CHRNA7: variants seen among roughly 807,000 people sequenced by gnomAD.
CHRNA7 encodes the protein neuronal acetylcholine receptor subunit alpha-7.
Under a neutral mutation model 48.0 loss-of-function variants are expected in CHRNA7, and 17 were observed. The ratio of observed to expected loss-of-function variants is 0.35; its 90% CI spans 0.24 to 0.53. The LOEUF (loss-of-function observed/expected upper bound fraction) is 0.53, where lower values mean the gene tolerates loss of function less well. Among genes scored for constraint, CHRNA7 ranks in the 20% least tolerant of loss-of-function variants. CHRNA7 has a pLI of 0.92. For missense variants in CHRNA7, 155 were observed against 577.7 expected, an observed-to-expected ratio of 0.27 and a Z score of 7.50; for synonymous variants, 75 against 242.3, an observed-to-expected ratio of 0.31 and a Z score of 6.41.
intron 3 of CHRNA7, among the ~76,000 whole-genome samples, chr15:32,103,434 A>G (rs1002462815): frequency 2.0e-5 from 3 of 151,734 alleles, no homozygotes; most frequent in Non-Finnish European, 4.4e-5. Context: ...AAAGAAAGAA[A>G]AAGAAAATGG....
intron 2 of CHRNA7, among the ~76,000 whole-genome samples, chr15:32,041,128 G>C (rs1224356523): frequency 6.6e-6 from 1 of 152,134 alleles, no homozygotes; most frequent in Non-Finnish European, 1.5e-5. Context: ...ATACTTAGAT[G>C]TTGGATTTTT....
chr15:32,031,005 T>C lies in CHRNA7; in HGVS notation c.163T>C (p.Phe55Leu). The change falls in exon 2 of 10, where the codon TTC (phenylalanine) becomes CTC (leucine). Residue 55 changes from phenylalanine to leucine, a missense_variant. Transcript: ENST00000306901. ...TGACTCGCAACCACTCACCGTCTAC[T>C]TCTCCCTGAGCCTCCTGCAGATCAT... is the stretch of plus-strand genomic sequence containing the variant. ...ANDSQPLTVY[F>L]SLSLLQIMDV... 6.2e-7 allele frequency: 1 copy of C among 1,614,208 alleles called. No individual in the cohort carries two copies. The highest frequency in any genetic ancestry group is 8.5e-7 in the Non-Finnish European group (1 of 1,180,014).
At chr15:32,084,167 A>C (rs896776610) in intron 2 of CHRNA7, among the ~76,000 whole-genome samples, 10 of 152,310 alleles carry the variant, frequency 6.6e-5, no homozygotes, top group Non-Finnish European at 1.3e-4. Flanking sequence ...GCTATTTATA[A>C]ATTTTACAGA....
At chr15:32,136,012 A>G (rs770671607) in intron 4 of CHRNA7, among the ~76,000 whole-genome samples, 20 of 152,202 alleles carry the variant, frequency 1.3e-4, no homozygotes, top group African/African-American at 1.9e-4. Flanking sequence ...AAATCAAGAC[A>G]TTCTCGGGAA....
At chr15:32,074,755 A>G (rs1008925122) in intron 2 of CHRNA7, among the ~76,000 whole-genome samples, 2 of 151,672 alleles carry the variant, frequency 1.3e-5, no homozygotes, top group South Asian at 4.2e-4. Flanking sequence ...CCTGGGTTCA[A>G]GTGATTCTCA....
intron 2 of CHRNA7, among the ~76,000 whole-genome samples, chr15:32,068,128 A>G (rs1357214200): frequency 3.9e-5 from 6 of 152,126 alleles, no homozygotes; most frequent in East Asian, 1.9e-4. Context: ...CCTGGGTTAC[A>G]GAGTGAGGCC....
At chr15:32,069,449 C>T (rs1047381167) in intron 2 of CHRNA7, among the ~76,000 whole-genome samples, 1 of 151,694 alleles carries the variant, frequency 6.6e-6, no homozygotes, top group Non-Finnish European at 1.5e-5. Context: ...AGTTGGAGAC[C>T]AGCCTGGGCA....
intron 4 of CHRNA7, among the ~76,000 whole-genome samples, chr15:32,137,457 A>C (rs774266617): frequency 3.3e-5 from 5 of 152,188 alleles, no homozygotes; most frequent in Non-Finnish European, 7.3e-5. Context: ...TATCTAATAA[A>C]ATTGCTTTGA....
At chr15:32,158,354 A>AC (rs2051795565) in intron 6 of CHRNA7, 58 bp from the exon 7 acceptor site, 17 of 1,537,610 alleles carry the variant, frequency 1.1e-5, no homozygotes, top group Non-Finnish European at 1.5e-5. Flanking sequence ...ACATTGAAAT[A>AC]AACAGGGTAA....
At chr15:32,031,115 C>G (rs1233650600) in intron 2 of CHRNA7, 78 bp downstream of exon 2, 1 of 1,577,634 alleles carries the variant, frequency 6.3e-7, no homozygotes. Context: ...GTCGGGCGGC[C>G]AGGCGGTGGA....
intron 2 of CHRNA7, among the ~76,000 whole-genome samples, chr15:32,058,663 A>G (rs1475556195): frequency 1.3e-5 from 2 of 152,200 alleles, no homozygotes; most frequent in African/African-American, 4.8e-5. Flanking sequence ...TATTTCAGAA[A>G]TGCCACTCTT....
intron 4 of CHRNA7, among the ~76,000 whole-genome samples, chr15:32,141,735 G>A (rs1566869653): frequency 6.6e-6 from 1 of 152,138 alleles, no homozygotes; most frequent in South Asian, 2.1e-4. Flanking sequence ...TCTGTTATTG[G>A]TGTATAGGAA....
chr15:32,066,052 A>G (rs1201174429), intron 2 of CHRNA7, among the ~76,000 whole-genome samples: 1 of 152,244 alleles, frequency 6.6e-6, no homozygotes, highest in African/African-American at 2.4e-5. Flanking sequence ...TCCAGCACAC[A>G]GATGCAGCCC....
chr15:32,131,683 TTTCTC>T (rs1235101145), intron 4 of CHRNA7, among the ~76,000 whole-genome samples: 1 of 152,208 alleles, frequency 6.6e-6, no homozygotes, highest in Non-Finnish European at 1.5e-5. Flanking sequence ...ATCTGCTAAT[TTTCTC>T]TTCTCATTAA....
rs570537790 is a variant in CHRNA7, at chr15:32,125,830, G to T, written c.350+13931G>T. Among the ~76,000 whole-genome samples, 19 of 152,230 alleles carry T rather than the reference G, an allele frequency of 1.2e-4. No individual in the cohort carries two copies. The South Asian group carries it at 3.9e-3, about 32-fold the overall frequency. On this transcript the variant is annotated intron_variant, in intron 4 of 9. Coordinates refer to ENST00000306901, the MANE Select transcript of CHRNA7 (RefSeq NM_000746.6). ...GATCACTTGTGAAAGACTCTGTCCT[G>T]CTGGGCATGAATGCCAGCTTGCATT...
chr15:32,104,837 T>C (rs2050635812), intron 3 of CHRNA7, among the ~76,000 whole-genome samples: 1 of 152,182 alleles, frequency 6.6e-6, no homozygotes, highest in South Asian at 2.1e-4. Flanking sequence ...AAGTTGGACG[T>C]TTGCCATGCC....
At chr15:32,051,310 A>G (rs1428126445) in intron 2 of CHRNA7, among the ~76,000 whole-genome samples, 1 of 152,042 alleles carries the variant, frequency 6.6e-6, no homozygotes, top group Non-Finnish European at 1.5e-5. Flanking sequence ...ACCCAGTTGG[A>G]GCTTCCTGGC....
chr15:32,147,586 T>G (rs1426289301), intron 4 of CHRNA7, among the ~76,000 whole-genome samples: 2 of 152,080 alleles, frequency 1.3e-5, no homozygotes, highest in African/African-American at 2.4e-5. Context: ...TATAAATAAG[T>G]AAATATTTTC....
At chr15:32,078,692 A>G (rs1452086473) in intron 2 of CHRNA7, among the ~76,000 whole-genome samples, 1 of 151,208 alleles carries the variant, frequency 6.6e-6, no homozygotes, top group East Asian at 1.9e-4. Context: ...CCAGGACCAG[A>G]TGGATTTATA....
Sources: allele counts gnomAD v4.1 joint callset (sites outside exome capture counted in the v4.1 genomes callset), GRCh38; gene constraint gnomAD v4.1.1; transcripts MANE v1.5; gene names NCBI Gene and HGNC (gene_info 2026-07-23, HGNC 2026-07-21).